LDAH: variants seen among roughly 807,000 people sequenced by gnomAD.
LDAH encodes the protein lipid droplet associated hydrolase.
Under a neutral mutation model 29.6 loss-of-function variants are expected in LDAH, and 26 were observed. The ratio of observed to expected loss-of-function variants is 0.88; its 90% CI spans 0.64 to 1.22. The LOEUF (loss-of-function observed/expected upper bound fraction) is 1.22. Among genes scored for constraint, LDAH ranks in the 50% most tolerant of loss-of-function variants. LDAH has a pLI of 0.00. For synonymous variants in LDAH, 117 were observed against 133.0 expected (o/e 0.88, Z 0.83); for missense variants, 344 against 387.3 (o/e 0.89, Z 0.94).
At chr2:20,733,197 AT>A (rs1666530441) in intron 5 of LDAH, among the ~76,000 whole-genome samples, 1 of 151,738 alleles carries the variant, frequency 6.6e-6, no homozygotes, top group Non-Finnish European at 1.5e-5. Flanking sequence ...AATATGCTGT[AT>A]TTTCATTTTG....
chr2:20,763,967 T>G (rs199687523), intron 4 of LDAH, among the ~76,000 whole-genome samples: 1 of 21,214 alleles, frequency 4.7e-5, no homozygotes, highest in Non-Finnish European at 1.2e-4. Flanking sequence ...CAAAGGTGAT[T>G]TTTTTTTTTT....
At position 20,712,570 on chromosome 2, in the gene LDAH, C is replaced by G. The variant is rs11899604; in HGVS notation, c.704-10918G>C. Among the ~76,000 whole-genome samples, 227 of 151,996 alleles carry G rather than the reference C, an allele frequency of 1.5e-3. 4 individuals carry two copies. In the South Asian group the frequency reaches 0.043, roughly 29 times the overall value. On this transcript the variant is annotated intron_variant, in intron 5 of 6. Transcript: ENST00000237822. ...TTGACAGAAGTAGGCTTCTGAAGGTCGGTAATAACAAACTTCTCCAAGCTA... is the reference window on the plus strand; with the variant it reads ...TTGACAGAAGTAGGCTTCTGAAGGTGGGTAATAACAAACTTCTCCAAGCTA...
At chr2:20,720,249 T>C (rs1665554207) in intron 5 of LDAH, among the ~76,000 whole-genome samples, 1 of 151,978 alleles carries the variant, frequency 6.6e-6, no homozygotes, top group Non-Finnish European at 1.5e-5. Flanking sequence ...AACTGATAAA[T>C]AAAGATAGTA....
intron 2 of LDAH, among the ~76,000 whole-genome samples, chr2:20,799,487 T>C (rs932118784): frequency 3.3e-5 from 5 of 152,224 alleles, no homozygotes; most frequent in Non-Finnish European, 7.3e-5. Flanking sequence ...TTCTATGTGT[T>C]GAGAAAAATC....
intron 4 of LDAH, among the ~76,000 whole-genome samples, chr2:20,774,557 C>T (rs1338447065): frequency 7.9e-5 from 12 of 152,168 alleles, no homozygotes; most frequent in East Asian, 3.8e-4. Context: ...ATAAGAACTC[C>T]GATAACCCTA....
chr2:20,750,411 T>C (rs1410399363), intron 4 of LDAH, among the ~76,000 whole-genome samples: 2 of 152,188 alleles, frequency 1.3e-5, no homozygotes, highest in Non-Finnish European at 2.9e-5. Flanking sequence ...ACTTCCCTAA[T>C]GGGACTGGAT....
intron 4 of LDAH, among the ~76,000 whole-genome samples, chr2:20,767,921 C>T (rs1298506372): frequency 6.6e-6 from 1 of 152,114 alleles, no homozygotes; most frequent in Non-Finnish European, 1.5e-5. Flanking sequence ...AGAGAAGCCA[C>T]CTACAGGGCC....
intron 5 of LDAH, among the ~76,000 whole-genome samples, chr2:20,726,726 A>G (rs1666043419): frequency 6.6e-6 from 1 of 152,202 alleles, no homozygotes; most frequent in African/African-American, 2.4e-5. Context: ...TTTATTATGT[A>G]TTTCTCTATA....
Position 20,684,769 on chromosome 2 carries a change from A to G in LDAH, c.*2134T>C, listed in dbSNP as rs1662444358. The G allele has an allele frequency of 6.6e-6, 8 of 1,209,700 alleles. No individual in the cohort carries two copies. Among genetic ancestry groups the G allele is most frequent in the Non-Finnish European group, 8.0e-6 (7 of 872,662 alleles). 74.9% of individuals were successfully genotyped at this position (1,209,700 alleles called of 1,614,324 possible). ...CTGAGCACTCGGTAACTCTGCAGGA[A>G]GTTAAAACTTTCACAAAGACCATCC... On this transcript the variant is annotated 3_prime_UTR_variant, in exon 7 of 7. Coordinates refer to ENST00000237822, the MANE Select transcript of LDAH (RefSeq NM_021925.4).
At chr2:20,794,557 G>A (rs1671187289) in intron 2 of LDAH, among the ~76,000 whole-genome samples, 1 of 152,090 alleles carries the variant, frequency 6.6e-6, no homozygotes, top group African/African-American at 2.4e-5. Context: ...TCATGACCAA[G>A]TGGGATTTAT....
chr2:20,797,032 T>C (rs920151070), intron 2 of LDAH, among the ~76,000 whole-genome samples: 1 of 152,200 alleles, frequency 6.6e-6, no homozygotes. Context: ...TCCTATGCTA[T>C]AAGCTATTCC....
chr2:20,690,438 G>A (rs1662920938), intron 6 of LDAH, among the ~76,000 whole-genome samples: 1 of 152,132 alleles, frequency 6.6e-6, no homozygotes, highest in Admixed American at 6.5e-5. Context: ...GATGGGGGTG[G>A]GCTCACGTTT....
At chr2:20,786,254 A>C (rs1181968950) in intron 3 of LDAH, among the ~76,000 whole-genome samples, 1 of 152,150 alleles carries the variant, frequency 6.6e-6, no homozygotes, top group Non-Finnish European at 1.5e-5. Flanking sequence ...CAGTGGCACT[A>C]TCTCGGCTCA....
chr2:20,813,983 A>C (rs564896139), intron 1 of LDAH, among the ~76,000 whole-genome samples: 3 of 152,238 alleles, frequency 2.0e-5, no homozygotes, highest in Admixed American at 6.5e-5. Context: ...CATATTTTAC[A>C]TATTGTTTCC....
At chr2:20,721,674 T>C (rs2149399384) in intron 5 of LDAH, among the ~76,000 whole-genome samples, 1 of 152,298 alleles carries the variant, frequency 6.6e-6, no homozygotes, top group African/African-American at 2.4e-5. Context: ...GGGGAATACC[T>C]GTAAACTGTT....
chr2:20,744,286 G>T, intron 4 of LDAH, among the ~76,000 whole-genome samples: 1 of 146,858 alleles, frequency 6.8e-6, no homozygotes, highest in Admixed American at 6.9e-5. Context: ...AGCTGGACAT[G>T]ATGTACCAGG....
chr2:20,802,123 G>A (rs983046487), intron 1 of LDAH, among the ~76,000 whole-genome samples: 3 of 151,856 alleles, frequency 2.0e-5, no homozygotes, highest in African/African-American at 7.3e-5. Flanking sequence ...TCAGTGGCAT[G>A]ATCTTGGCTC....
chr2:20,784,680 G>C lies in LDAH; in HGVS notation c.298+5575C>G, dbSNP rs1443877821. ...CGGGCAGATCGCTTGAGCCCAAGGA[G>C]TTCCAAGACCAGCCTGGGCAATATG... On this transcript the variant is annotated intron_variant, in intron 3 of 6. Transcript: ENST00000237822. 3.9e-5 allele frequency among the ~76,000 whole-genome samples: 6 copies of C among 151,938 alleles called. No homozygotes were observed. The East Asian group carries it at 9.7e-4, about 24-fold the overall frequency.
intron 5 of LDAH, among the ~76,000 whole-genome samples, chr2:20,726,412 G>A (rs767731199): frequency 4.6e-5 from 7 of 152,202 alleles, no homozygotes; most frequent in African/African-American, 7.2e-5. Context: ...AAGACTAGAA[G>A]ATTCTGGAGA....
Sources: allele counts gnomAD v4.1 joint callset (sites outside exome capture counted in the v4.1 genomes callset), GRCh38; gene constraint gnomAD v4.1.1; transcripts MANE v1.5; gene names NCBI Gene and HGNC (gene_info 2026-07-23, HGNC 2026-07-21).